Variants in PALS2 observed in about 807,000 individuals in gnomAD.
PALS2 encodes protein associated with LIN7 2, MAGUK p55 family member.
Under a neutral mutation model 61.6 loss-of-function variants are expected in PALS2, and 27 were observed. The observed-to-expected ratio is 0.44, with a 90% confidence interval of 0.32 to 0.60. The LOEUF is 0.60. Among genes scored for constraint, PALS2 ranks in the 20% least tolerant of loss-of-function variants. PALS2 has a pLI of 0.05. For missense variants in PALS2, 554 were observed against 639.4 expected, an observed-to-expected ratio of 0.87 and a Z score of 1.44; for synonymous variants, 236 against 218.6, an observed-to-expected ratio of 1.08 and a Z score of -0.70.
intron 5 of PALS2, among the ~76,000 whole-genome samples, chr7:24,650,979 A>G (rs537194441): frequency 3.7e-4 from 56 of 152,306 alleles, no homozygotes; most frequent in African/African-American, 1.1e-3. Flanking sequence ...GAAGAACCAT[A>G]AAGTCTTTGA....
chr7:24,680,889 C>G (rs949544345), intron 11 of PALS2, among the ~76,000 whole-genome samples: 3 of 152,204 alleles, frequency 2.0e-5, no homozygotes, highest in African/African-American at 7.2e-5. Context: ...AGCCACCGTG[C>G]CTGGCCAACT....
At chr7:24,635,635 G>A (rs1785199409) in intron 2 of PALS2, among the ~76,000 whole-genome samples, 1 of 152,144 alleles carries the variant, frequency 6.6e-6, no homozygotes, top group Admixed American at 6.5e-5. Flanking sequence ...CTCTTAAGGG[G>A]AAGTATCTAA....
chr7:24,670,336 C>CTT (rs965574566), intron 9 of PALS2, among the ~76,000 whole-genome samples: 2 of 146,210 alleles, frequency 1.4e-5, no homozygotes, highest in Admixed American at 6.8e-5. Context: ...AAGTCAGGTT[C>CTT]TTTTTTTTTT....
chr7:24,600,513 A>G (rs925492428), intron 1 of PALS2, among the ~76,000 whole-genome samples: 3 of 152,204 alleles, frequency 2.0e-5, no homozygotes, highest in South Asian at 2.1e-4. Flanking sequence ...TTGTAGGTCA[A>G]TAATTTTTGA....
At chr7:24,623,816 T>C (rs1784622520) in intron 2 of PALS2, 32 bp downstream of exon 2, 4 of 1,413,116 alleles carry the variant, frequency 2.8e-6, no homozygotes, top group African/African-American at 1.4e-5. Context: ...ATTACTGAAT[T>C]ATTTTGGACT....
rs1298909097 is a variant in PALS2, at chr7:24,596,720, ACT to A, written c.-3+23131_-3+23132del. On this transcript the variant is annotated intron_variant, in intron 1 of 11. Transcript: ENST00000222644. The surrounding 1 kb of genome is among the most constrained non-coding windows in gnomAD (Gnocchi z 4.5). ...GCTCTGTTTAAAAAGGAAAAAAAGG[ACT>A]CTCCGTATATCTAGCTTTCTCCTGT... Among the ~76,000 whole-genome samples the A allele has an allele frequency of 1.3e-5, 2 of 152,052 alleles. No individual in the cohort carries two copies. The highest frequency in any genetic ancestry group is 4.8e-5 in the African/African-American group (2 of 41,446).
At chr7:24,681,685 A>C (rs78139126) in intron 11 of PALS2, among the ~76,000 whole-genome samples, 34 of 152,256 alleles carry the variant, frequency 2.2e-4, no homozygotes, top group African/African-American at 8.2e-4. Context: ...CAGCTTGATC[A>C]GTTTGGCCAC....
At position 24,687,296 on chromosome 7, in the gene PALS2, C is replaced by T. The variant is rs1042570396; in HGVS notation, c.1447-142C>T. On this transcript the variant is annotated intron_variant, in intron 11 of 11. Coordinates refer to ENST00000222644, the MANE Select transcript of PALS2 (RefSeq NM_001303037.2). The surrounding 1 kb of genome is among the most constrained non-coding windows in gnomAD (Gnocchi z 4.5). The stretch of plus-strand genomic sequence containing the variant: ...ACAGATGGCAGTGTTGTCTTTAACA[C>T]TATATGGATTAGATTTTGAAGATTA... The T allele has an allele frequency of 6.4e-6, 4 of 628,572 alleles. No homozygotes were observed. The highest frequency in any genetic ancestry group is 4.2e-4 in the Middle Eastern group (1 of 2,386). The allele number at this position is 628,572 out of a possible 1,614,324, so 38.9% of individuals were successfully genotyped here. A position where few individuals can be genotyped will look rare whatever the true frequency, so the allele number is the denominator to read the frequency against.
chr7:24,574,063 T>C (rs957296028), intron 1 of PALS2: 3 of 152,328 alleles, frequency 2.0e-5, no homozygotes, highest in Non-Finnish European at 4.4e-5. Flanking sequence ...GCGGCGTTGC[T>C]GTGACTGACA....
chr7:24,658,632 C>G (rs1035726000), intron 5 of PALS2, among the ~76,000 whole-genome samples: 2 of 150,988 alleles, frequency 1.3e-5, no homozygotes, highest in Non-Finnish European at 2.9e-5. Flanking sequence ...TCTCGGCTCA[C>G]TGCAACCCCC....
rs192242597 is a variant in PALS2, at chr7:24,639,539, A to G, written c.118-2177A>G. Among the ~76,000 whole-genome samples, 26 of 152,276 alleles carry G rather than the reference A, an allele frequency of 1.7e-4. No homozygotes were observed. The East Asian group carries it at 4.8e-3, about 28-fold the overall frequency. On this transcript the variant is annotated intron_variant, in intron 2 of 11. Coordinates refer to ENST00000222644, the MANE Select transcript of PALS2 (RefSeq NM_001303037.2). ...TGAAGCTTTCTTTTTATACTATGTT[A>G]AAAGAATTGGAGTATTACAAGGTTA... is the stretch of plus-strand genomic sequence containing the variant.
In PALS2 at chr7:24,624,986, T is replaced by C. The variant is rs112753433; in HGVS notation, c.117+1202T>C. On this transcript the variant is annotated intron_variant, in intron 2 of 11. Coordinates refer to ENST00000222644, the MANE Select transcript of PALS2 (RefSeq NM_001303037.2). ...GGCCCTTAAGTAGAAACGAATCCAT[T>C]TGCAGATCATCCAACTGGAATTTTT... Among the ~76,000 whole-genome samples, 414 of 152,296 alleles carry C rather than the reference T, an allele frequency of 2.7e-3. 3 individuals are homozygous for C. The highest frequency in any genetic ancestry group is 9.5e-3 in the African/African-American group (395 of 41,548).
intron 1 of PALS2, among the ~76,000 whole-genome samples, chr7:24,616,901 G>A (rs1784313313): frequency 6.6e-6 from 1 of 151,998 alleles, no homozygotes; most frequent in Admixed American, 6.6e-5. Context: ...AGGACTGTTT[G>A]GATTTTATCA....
chr7:24,645,308 G>A (rs1171739558), intron 3 of PALS2, among the ~76,000 whole-genome samples: 2 of 152,070 alleles, frequency 1.3e-5, no homozygotes, highest in African/African-American at 4.8e-5. Context: ...ATATAAAGAA[G>A]GGGCTGAGCT....
chr7:24,680,589 A>C (rs2128032723), intron 11 of PALS2, 69 bp downstream of exon 11: 1 of 1,495,750 alleles, frequency 6.7e-7, no homozygotes, highest in South Asian at 1.3e-5. Flanking sequence ...ACTGTTATCT[A>C]ATTTATTTTT....
chr7:24,598,369 G>A (rs1783597202), intron 1 of PALS2, among the ~76,000 whole-genome samples: 1 of 152,130 alleles, frequency 6.6e-6, no homozygotes, highest in Non-Finnish European at 1.5e-5. Context: ...TCAGTCTTTA[G>A]TTGTTAGAAG....
Position 24,638,522 on chromosome 7 carries a change from G to A in PALS2, c.118-3194G>A, listed in dbSNP as rs1476168150. On this transcript the variant is annotated intron_variant, in intron 2 of 11. Coordinates refer to ENST00000222644, the MANE Select transcript of PALS2 (RefSeq NM_001303037.2). The stretch of plus-strand genomic sequence containing the variant: ...ATTTTTTGTATTTTTTAGTAGAGAC[G>A]GGGTTTCACCGTTTTAGCCGGGATG... Among the ~76,000 whole-genome samples, 5 of 80,156 alleles carry A rather than the reference G, an allele frequency of 6.2e-5. 1 individual carries two copies. Among genetic ancestry groups the A allele is most frequent in the Non-Finnish European group, 1.0e-4 (5 of 49,808 alleles). 52.6% of individuals were successfully genotyped at this position (80,156 alleles called of 152,430 possible). A position where few individuals can be genotyped will look rare whatever the true frequency, so the allele number is the denominator to read the frequency against.
chr7:24,649,810 T>G (rs985659423), intron 4 of PALS2, 46 bp downstream of exon 4: 2 of 1,452,092 alleles, frequency 1.4e-6, no homozygotes, highest in African/African-American at 2.9e-5. Flanking sequence ...AAATATGACA[T>G]AATTTGTGGT....
intron 1 of PALS2, among the ~76,000 whole-genome samples, chr7:24,592,549 C>T (rs183579917): frequency 2.6e-5 from 4 of 152,110 alleles, no homozygotes; most frequent in Admixed American, 2.0e-4. Context: ...TTTTGGAAAG[C>T]TCACACTGCT....
Sources: gnomAD v4.1 joint callset for allele counts (sites outside exome capture counted in the v4.1 genomes callset) on GRCh38, gnomAD v4.1.1 for gene constraint, Gnocchi (gnomAD v3.1) non-coding constraint, MANE v1.5 for transcripts, NCBI Gene and HGNC (gene_info 2026-07-23, HGNC 2026-07-21) for gene names.